The following NHSL1 variants were observed in gnomAD, a reference collection of about 807,000 sequenced individuals.
The protein encoded by NHSL1 is NHS-like protein 1.
NHSL1 carries 48 observed loss-of-function variants against 95.0 expected under a neutral mutation model. The observed-to-expected ratio is 0.51, with a 90% CI of 0.40 to 0.64. The LOEUF (loss-of-function observed/expected upper bound fraction) is 0.64, where lower values mean the gene tolerates loss of function less well. NHSL1 is among the 30% of genes least tolerant of loss of function. The pLI is 0.00. For synonymous variants in NHSL1, 783 were observed against 833.9 expected (o/e 0.94, Z 1.05); for missense variants, 1,971 against 2,077.7 (o/e 0.95, Z 1.00).
At chr6:138,592,651 C>T (rs1784248188) in intron 1 of NHSL1, among the ~76,000 whole-genome samples, 2 of 151,768 alleles carry the variant, frequency 1.3e-5, no homozygotes, top group South Asian at 2.1e-4. Context: ...AAAAAAACCC[C>T]TACATATCCA....
intron 5 of NHSL1, among the ~76,000 whole-genome samples, chr6:138,440,650 A>G (rs2128213526): frequency 6.6e-6 from 1 of 152,400 alleles, no homozygotes; most frequent in Middle Eastern, 3.4e-3. Flanking sequence ...GGATGGCAGT[A>G]AAGGAGAAAA....
chr6:138,517,366 A>G lies in NHSL1; in HGVS notation c.17-20995T>C, dbSNP rs148663150. Among the ~76,000 whole-genome samples, 949 of 152,336 alleles carry G rather than the reference A, an allele frequency of 6.2e-3. 23 individuals carry two copies. The highest frequency in any genetic ancestry group is 0.048 in the Admixed American group (734 of 15,300). On this transcript the variant is annotated intron_variant, in intron 1 of 4. Coordinates refer to the NHSL1 transcript ENST00000342260. ...AACTGGATGGTCATGATTAAAGCCC[A>G]TGAATGGAAAGTAACAATGACATAA... is the stretch of plus-strand genomic sequence containing the variant.
chr6:138,642,957 C>T (rs1050853956), intron 1 of NHSL1, among the ~76,000 whole-genome samples: 7 of 152,146 alleles, frequency 4.6e-5, no homozygotes, highest in Non-Finnish European at 8.8e-5. Flanking sequence ...GCTTCATAAA[C>T]GTCCTCATCA....
intron 1 of NHSL1, among the ~76,000 whole-genome samples, chr6:138,570,718 G>A (rs773044070): frequency 5.5e-4 from 83 of 152,194 alleles, no homozygotes; most frequent in Non-Finnish European, 9.7e-4. Context: ...ATTCTCTCAC[G>A]TTTCAGTAGT....
chr6:138,541,357 ACT>A (rs1226267483), intron 1 of NHSL1, among the ~76,000 whole-genome samples: 1 of 152,172 alleles, frequency 6.6e-6, no homozygotes, highest in African/African-American at 2.4e-5. Flanking sequence ...ACAGAGCGAG[ACT>A]CTGTCTCAAA....
Position 138,432,976 on chromosome 6 carries a change from T to C in NHSL1, c.1369A>G (p.Arg457Gly), listed in dbSNP as rs754238383. 1 of 1,551,288 alleles carries C rather than the reference T, an allele frequency of 6.4e-7. No individual in the cohort carries two copies. The highest frequency in any genetic ancestry group is 8.7e-7 in the Non-Finnish European group (1 of 1,146,676). ...RIKSRDHLISRHAVKGDPQSP... is the reference protein window; with the variant it reads ...RIKSRDHLISGHAVKGDPQSP... The stretch of plus-strand genomic sequence containing the variant: ...TGAGGATCACCTTTCACAGCATGCC[T>C]GGAGATGAGGTGGTCTCTGGATTTT... Residue 457 changes from arginine to glycine, a missense_variant, in exon 6 of 8, where the codon AGG becomes GGG. Arg to Gly is a moderately radical substitution (Grantham distance 125). This residue lies in a region of NHSL1 where 1,602 missense variants were observed against 1,654.5 expected (regional missense o/e 0.97). Coordinates refer to ENST00000343505, the MANE Select transcript of NHSL1 (RefSeq NM_001144060.2). The surrounding 1 kb of genome is among the most constrained non-coding windows in gnomAD (Gnocchi z 4.4).
At chr6:138,669,011 A>G (rs1220474609) in intron 1 of NHSL1, among the ~76,000 whole-genome samples, 1 of 152,138 alleles carries the variant, frequency 6.6e-6, no homozygotes, top group Non-Finnish European at 1.5e-5. Flanking sequence ...TTACTTAGCA[A>G]ATGAAGTCAC....
chr6:138,635,942 G>A (rs1416361157), intron 1 of NHSL1, among the ~76,000 whole-genome samples: 4 of 135,272 alleles, frequency 3.0e-5, no homozygotes, highest in African/African-American at 8.7e-5. Flanking sequence ...GTGAAATGCC[G>A]TCTCTACTAA....
At chr6:138,536,296 G>A (rs555529186) in intron 1 of NHSL1, among the ~76,000 whole-genome samples, 2 of 152,292 alleles carry the variant, frequency 1.3e-5, no homozygotes, top group East Asian at 3.9e-4. Context: ...TCAGCCAAGT[G>A]TGTTATCGTA....
At position 138,585,241 on chromosome 6, in the gene NHSL1, T is replaced by C. The variant is rs115357837; in HGVS notation, c.97-88870A>G. 3.3e-3 allele frequency among the ~76,000 whole-genome samples: 498 copies of C among 152,274 alleles called. 4 individuals carry two copies. The highest frequency in any genetic ancestry group is 0.011 in the African/African-American group (475 of 41,568). ...CAGGGAGCGAGAGGTGAGCTGGGAT[T>C]GAGAGTCAGATTCCCATCAGGAAAA... On this transcript the variant is annotated intron_variant, in intron 1 of 3. Transcript: ENST00000491526.
upstream of NHSL1, among the ~76,000 whole-genome samples, chr6:138,503,601 G>A (rs1325860759): frequency 1.3e-5 from 2 of 152,156 alleles, no homozygotes; most frequent in African/African-American, 4.8e-5. Context: ...CAGCAGGGTT[G>A]AGCGGCTACG....
intron 1 of NHSL1, among the ~76,000 whole-genome samples, chr6:138,570,631 T>C (rs1783804434): frequency 6.6e-6 from 1 of 152,214 alleles, no homozygotes; most frequent in African/African-American, 2.4e-5. Flanking sequence ...ACACATTCAC[T>C]CTGAAGAAGG....
chr6:138,635,185 A>C (rs538710379), intron 1 of NHSL1, among the ~76,000 whole-genome samples: 1 of 152,280 alleles, frequency 6.6e-6, no homozygotes, highest in African/African-American at 2.4e-5. Flanking sequence ...ATAAAAGATC[A>C]GAGCAGAAAT....
At chr6:138,609,836 C>T (rs1408486083) in intron 1 of NHSL1, among the ~76,000 whole-genome samples, 1 of 151,714 alleles carries the variant, frequency 6.6e-6, no homozygotes, top group Non-Finnish European at 1.5e-5. Context: ...ATGTAAAGTG[C>T]TCAGCACAGC....
chr6:138,522,336 G>A (rs931417418), intron 1 of NHSL1, among the ~76,000 whole-genome samples: 9 of 152,124 alleles, frequency 5.9e-5, no homozygotes, highest in African/African-American at 1.2e-4. Context: ...AGCAAAACCC[G>A]TATCTACAAA....
chr6:138,432,773 C>T lies in NHSL1; in HGVS notation c.1572G>A (p.Leu524=). The change falls in exon 6 of 8, where the codon CTG becomes CTA. Residue 524 remains leucine (L), a synonymous_variant. Coordinates refer to ENST00000343505, the MANE Select transcript of NHSL1 (RefSeq NM_001144060.2). This position sits in a 1 kb window ranked among gnomAD's most constrained non-coding sequence, Gnocchi z 4.4. ...CATCTTGGGGGTGGGCTGGGAAGGC[C>T]AGGTTGTTTCTACAATTATACGGCA... ...QAMPYNCRNN[L]AFPAHPQDVD... 1.9e-6 allele frequency: 3 copies of T among 1,551,616 alleles called. No homozygotes were observed. The highest frequency in any genetic ancestry group is 2.6e-6 in the Non-Finnish European group (3 of 1,146,982).
intron 2 of NHSL1, among the ~76,000 whole-genome samples, chr6:138,487,933 A>G (rs981719653): frequency 1.3e-5 from 2 of 152,236 alleles, no homozygotes; most frequent in Non-Finnish European, 2.9e-5. Context: ...TTCAACTAGA[A>G]AACGATTTAA....
intron 1 of NHSL1, among the ~76,000 whole-genome samples, chr6:138,580,925 A>G (rs1173373529): frequency 6.6e-6 from 1 of 152,182 alleles, no homozygotes; most frequent in Non-Finnish European, 1.5e-5. Context: ...TTTCAAAGAG[A>G]GAAGCAGGGG....
chr6:138,459,703 A>T (rs1777867205), intron 3 of NHSL1, among the ~76,000 whole-genome samples: 1 of 152,134 alleles, frequency 6.6e-6, no homozygotes, highest in Non-Finnish European at 1.5e-5. Context: ...AAATTGTTGG[A>T]TTTGGAGGAC....
Sources: allele counts gnomAD v4.1 joint callset (sites outside exome capture counted in the v4.1 genomes callset), GRCh38; gene constraint gnomAD v4.1.1; regional missense constraint gnomAD v4.1.1; non-coding constraint Gnocchi (gnomAD v3.1); transcripts MANE v1.5; gene names NCBI Gene and HGNC (gene_info 2026-07-23, HGNC 2026-07-21).